PAMR1: variants seen among roughly 807,000 people sequenced by gnomAD.
The protein encoded by PAMR1 is inactive serine protease PAMR1.
A neutral mutation model predicts 81.8 loss-of-function variants in PAMR1; 88 were observed. The observed-to-expected ratio is 1.08, with a 90% CI of 0.91 to 1.28. PAMR1 has a LOEUF of 1.28. Ranked by LOEUF, PAMR1 falls within the 50% of genes most tolerant of loss-of-function variation. The pLI, the probability that PAMR1 is intolerant of heterozygous loss-of-function variation, is 0.00. For synonymous variants in PAMR1, 336 were observed against 345.3 expected (o/e 0.97, Z 0.30); for missense variants, 935 against 919.7 (o/e 1.02, Z -0.21).
intron 4 of PAMR1, among the ~76,000 whole-genome samples, chr11:35,472,624 G>A (rs1203829784): frequency 6.6e-6 from 1 of 152,256 alleles, no homozygotes; most frequent in East Asian, 1.9e-4. Flanking sequence ...AGCCCCCTCT[G>A]AGGATGTGCT....
intron 6 of PAMR1, among the ~76,000 whole-genome samples, chr11:35,463,200 G>A (rs1458168114): frequency 6.6e-6 from 1 of 152,176 alleles, no homozygotes; most frequent in Non-Finnish European, 1.5e-5. Context: ...AGCATAAAGT[G>A]TGCCTCTCAG....
At chr11:35,446,656 T>C (rs556470099) in intron 6 of PAMR1, among the ~76,000 whole-genome samples, 51 of 152,354 alleles carry the variant, frequency 3.3e-4, no homozygotes, top group African/African-American at 1.2e-3. Flanking sequence ...TGAGTGAGTT[T>C]CTTAATCTTG....
At chr11:35,474,573 T>A in intron 4 of PAMR1, 57 bp downstream of exon 4, 1 of 987,164 alleles carries the variant, frequency 1.0e-6, no homozygotes, top group Non-Finnish European at 1.5e-6. Flanking sequence ...GAGCCTTCCA[T>A]CCCATTTCTG....
chr11:35,530,069 C>T (rs1404486575), upstream of PAMR1: 1 of 152,242 alleles, frequency 6.6e-6, no homozygotes, highest in African/African-American at 2.4e-5. Flanking sequence ...AGCAACCACA[C>T]ACTGGGAAAG....
At chr11:35,493,600 G>T (rs1202360849) in intron 2 of PAMR1, among the ~76,000 whole-genome samples, 1 of 152,106 alleles carries the variant, frequency 6.6e-6, no homozygotes, top group Non-Finnish European at 1.5e-5. Flanking sequence ...GCCTCACCTT[G>T]TTTAGTCTGC....
upstream of PAMR1, chr11:35,530,246 TC>T (rs777914382): frequency 6.6e-6 from 1 of 152,324 alleles, no homozygotes; most frequent in East Asian, 1.9e-4. Flanking sequence ...AAAGGGCCCT[TC>T]CACTGGAGCC....
chr11:35,489,808 C>T (rs556514441), intron 3 of PAMR1, among the ~76,000 whole-genome samples: 1 of 152,220 alleles, frequency 6.6e-6, no homozygotes, highest in African/African-American at 2.4e-5. Context: ...CCTCCCTCTC[C>T]CTGTCATTAA....
At position 35,432,525 on chromosome 11, in the gene PAMR1, G is replaced by A; in HGVS notation, c.1994C>T (p.Thr665Ile). 6.2e-7 allele frequency: 1 copy of A among 1,614,250 alleles called. No individual in the cohort carries two copies. The highest frequency in any genetic ancestry group is 1.3e-5 in the African/African-American group (1 of 75,072). The stretch of plus-strand genomic sequence containing the variant: ...GAAGGACACAGCCGCGATGCCTCCT[G>A]TCTCTGCAGTGCAGATATCAGAAGG... ...TAPSDICTAE[T>I]GGIAAVSFPG... The change falls in exon 11 of 11, where the codon ACA (threonine) becomes ATA (isoleucine). Residue 665 changes from threonine (T) to isoleucine (I), a missense_variant. By Grantham distance (89) the Thr-to-Ile change is moderately conservative (BLOSUM62 -1). Coordinates refer to ENST00000619888, the MANE Select transcript of PAMR1 (RefSeq NM_001001991.3).
Position 35,436,111 on chromosome 11 carries a change from G to T in PAMR1, c.1125C>A (p.Tyr375Ter). 1 of 1,613,984 alleles carries T rather than the reference G, an allele frequency of 6.2e-7. No homozygotes were observed. The highest frequency in any genetic ancestry group is 8.5e-7 in the Non-Finnish European group (1 of 1,179,826). The change falls in exon 9 of 11, where the codon TAC (tyrosine) becomes TAA (stop). Residue 375 changes from tyrosine (Y) to a stop codon, truncating the protein, a stop_gained. Coordinates refer to ENST00000619888, the MANE Select transcript of PAMR1 (RefSeq NM_001001991.3). LOFTEE classifies it high-confidence loss of function. The part of the protein sequence containing the change: ...QSRETPLHQL[Y>*]SAAFSKQKLQ... ...GTTTCTGCTTGCTGAAGGCCGCTGA[G>T]TATAGCTGGTGTAATGGTGTCTCCC...
intron 3 of PAMR1, among the ~76,000 whole-genome samples, chr11:35,488,378 C>G (rs897499289): frequency 6.6e-6 from 1 of 151,726 alleles, no homozygotes; most frequent in East Asian, 1.9e-4. Context: ...ACCACCATGC[C>G]TGGCTGAATT....
At chr11:35,458,899 A>G (rs1304120942) in intron 6 of PAMR1, among the ~76,000 whole-genome samples, 1 of 152,040 alleles carries the variant, frequency 6.6e-6, no homozygotes, top group Non-Finnish European at 1.5e-5. Flanking sequence ...GTGTCTCTGG[A>G]CCAAACCAAA....
chr11:35,470,197 G>A (rs1199041507), intron 5 of PAMR1, among the ~76,000 whole-genome samples: 1 of 152,134 alleles, frequency 6.6e-6, no homozygotes, highest in Non-Finnish European at 1.5e-5. Flanking sequence ...AGGCCCAGTG[G>A]GGTAGAAGAA....
intron 3 of PAMR1, among the ~76,000 whole-genome samples, chr11:35,480,328 C>T (rs1434439986): frequency 6.6e-6 from 1 of 152,152 alleles, no homozygotes; most frequent in Admixed American, 6.5e-5. Context: ...TCTTTCTTCA[C>T]CCAAAGTTGC....
At chr11:35,466,652 A>G (rs993470729) in intron 6 of PAMR1, among the ~76,000 whole-genome samples, 5 of 145,508 alleles carry the variant, frequency 3.4e-5, no homozygotes, top group African/African-American at 1.3e-4. Flanking sequence ...GCGTGAACCC[A>G]GGAGGCGGAG....
chr11:35,443,383 C>T (rs1856219963), intron 6 of PAMR1, among the ~76,000 whole-genome samples: 2 of 152,100 alleles, frequency 1.3e-5, no homozygotes, highest in Non-Finnish European at 2.9e-5. Context: ...TGATAGGCCC[C>T]AGTGTGTGTT....
intron 1 of PAMR1, among the ~76,000 whole-genome samples, chr11:35,519,385 A>C (rs1343562301): frequency 6.6e-6 from 1 of 152,148 alleles, no homozygotes; most frequent in Non-Finnish European, 1.5e-5. Flanking sequence ...AAGAGTTTAC[A>C]CAGAACACAT....
At chr11:35,433,248 C>A (rs2135330645) in intron 10 of PAMR1, among the ~76,000 whole-genome samples, 1 of 152,312 alleles carries the variant, frequency 6.6e-6, no homozygotes, top group Admixed American at 6.5e-5. Context: ...TCTGAAATAT[C>A]TTGATGTTAA....
chr11:35,518,131 A>G (rs769686264), intron 1 of PAMR1, among the ~76,000 whole-genome samples: 22 of 152,108 alleles, frequency 1.4e-4, no homozygotes, highest in Non-Finnish European at 3.1e-4. Flanking sequence ...GAGGCTGAAC[A>G]CCATTGAGAA....
rs1453184966 is a variant in PAMR1 at position 35,494,159 on chromosome 11, C to T, written c.187G>A (p.Gly63Ser). The T allele has an allele frequency of 6.2e-7, 1 of 1,613,956 alleles. No homozygotes were observed. The highest frequency in any genetic ancestry group is 8.5e-7 in the Non-Finnish European group (1 of 1,179,942). ...CVCPGKREVV[G>S]YTIPCCRNEE... is the part of the protein sequence containing the mutation. ...TTCCTGCAGCAAGGGATGGTATAAC[C>T]CACGACTTCCCTCTTTCCGGGGCAG... Residue 63 changes from glycine to serine, a missense_variant, in exon 2 of 11, where the codon GGT (glycine) becomes AGT (serine). Coordinates refer to ENST00000619888, the MANE Select transcript of PAMR1 (RefSeq NM_001001991.3).
Sources: gnomAD v4.1 joint callset for allele counts (sites outside exome capture counted in the v4.1 genomes callset) on GRCh38, gnomAD v4.1.1 for gene constraint, MANE v1.5 for transcripts, NCBI Gene and HGNC (gene_info 2026-07-23, HGNC 2026-07-21) for gene names.